The following TFRC variants were observed in gnomAD, a reference collection of about 807,000 sequenced individuals.
TFRC encodes the protein transferrin receptor protein 1.
A neutral mutation model predicts 85.8 loss-of-function variants in TFRC; 35 were observed. The observed-to-expected ratio is 0.41, with a 90% CI of 0.31 to 0.54. The LOEUF (loss-of-function observed/expected upper bound fraction) is 0.54. TFRC is among the 20% of genes least tolerant of loss of function. The pLI is 0.31. For missense variants in TFRC, 828 were observed against 921.5 expected, an observed-to-expected ratio of 0.90 and a Z score of 1.31; for synonymous variants, 362 against 328.6, an observed-to-expected ratio of 1.10 and a Z score of -1.10.
intron 13 of TFRC, among the ~76,000 whole-genome samples, chr3:196,061,204 CAA>C (rs1717252860): frequency 6.6e-6 from 1 of 152,172 alleles, no homozygotes; most frequent in Non-Finnish European, 1.5e-5. Flanking sequence ...AGTGAACATT[CAA>C]ACTCTTCTAG....
At chr3:196,065,395 A>T (rs1717632676) in intron 10 of TFRC, 48 bp downstream of exon 10, 1 of 1,113,358 alleles carries the variant, frequency 9.0e-7, no homozygotes, top group Non-Finnish European at 1.2e-6. Flanking sequence ...GGAACAGAAA[A>T]GAAAACAAAA....
chr3:196,069,394 C>T lies in TFRC; in HGVS notation c.801+61G>A, dbSNP rs923312608. 20 of 944,448 alleles carry T rather than the reference C, an allele frequency of 2.1e-5. No homozygotes were observed. In the African/African-American group the frequency reaches 2.9e-4, roughly 14 times the overall value. The allele number at this position is 944,448 out of a possible 1,614,324, so 58.5% of individuals were successfully genotyped here. On this transcript the variant is annotated intron_variant, in intron 7 of 18. Coordinates refer to ENST00000360110, the MANE Select transcript of TFRC (RefSeq NM_001128148.3). ...GTAAGAATATTAACAAGAAATATCA[C>T]TTACCTGAAGAGTAAGATACCAAAA...
At chr3:196,056,205 A>T (rs1213047428) in intron 16 of TFRC, among the ~76,000 whole-genome samples, 3 of 152,120 alleles carry the variant, frequency 2.0e-5, no homozygotes, top group East Asian at 3.8e-4. Context: ...AATTTAAAAA[A>T]TTTTTTGTAG....
intron 4 of TFRC, chr3:196,072,970 C>T (rs1376637611): frequency 6.9e-6 from 1 of 144,386 alleles, no homozygotes; most frequent in African/African-American, 2.6e-5. Flanking sequence ...GGAGCCAAGA[C>T]AGGAGGATCA....
At chr3:196,071,586 G>A in intron 5 of TFRC, 88 bp from the exon 6 acceptor site, 2 of 1,331,386 alleles carry the variant, frequency 1.5e-6, no homozygotes, top group Non-Finnish European at 2.1e-6. Context: ...GCATTATTTG[G>A]CTTGAGGAAA....
intron 2 of TFRC, 88 bp from the exon 3 acceptor site, chr3:196,075,448 T>G: frequency 4.8e-6 from 6 of 1,240,550 alleles, no homozygotes; most frequent in Non-Finnish European, 5.9e-6. Flanking sequence ...ATTGGGCCAT[T>G]ACTATAACTT....
At chr3:196,061,487 AGTTTTTTTGTTT>A (rs1717278072) in intron 13 of TFRC, among the ~76,000 whole-genome samples, 1 of 152,070 alleles carries the variant, frequency 6.6e-6, no homozygotes, top group African/African-American at 2.4e-5. Flanking sequence ...AAAAAAGCCC[AGTTTTTTTGTTT>A]GTTTTTTTGA....
chr3:196,049,500 T>TC lies in TFRC; in HGVS notation c.*2441dup, dbSNP rs764499080. 8.6e-5 allele frequency: 19 copies of TC among 219,658 alleles called. No individual in the cohort carries two copies. Among genetic ancestry groups the TC allele is most frequent in the Non-Finnish European group, 1.7e-4 (19 of 109,544 alleles). 13.6% of individuals were successfully genotyped at this position (219,658 alleles called of 1,614,324 possible). ...TTATCCTTTACCTCCAAAAGGCCCA[T>TC]CTCCTTAACGAGAAGACATCTCAAG... On this transcript the variant is annotated 3_prime_UTR_variant, in exon 19 of 19. Coordinates refer to ENST00000360110, the MANE Select transcript of TFRC (RefSeq NM_001128148.3).
intron 13 of TFRC, 169 bp from the exon 14 acceptor site, chr3:196,060,416 C>T (rs1287048849): frequency 1.6e-6 from 1 of 617,142 alleles, no homozygotes; most frequent in African/African-American, 1.9e-5. Flanking sequence ...GTATCAAGCT[C>T]TTTAGCAACT....
chr3:196,078,289 TAAAC>T (rs1444820138), intron 1 of TFRC, among the ~76,000 whole-genome samples: 3 of 152,142 alleles, frequency 2.0e-5, no homozygotes, highest in Non-Finnish European at 4.4e-5. Context: ...TAGGGCATAT[TAAAC>T]ACACACGGCA....
chr3:196,055,375 C>G, intron 16 of TFRC, 74 bp from the exon 17 acceptor site: 1 of 1,316,942 alleles, frequency 7.6e-7, no homozygotes, highest in South Asian at 1.2e-5. Flanking sequence ...GCTTCGCCAT[C>G]GAGGTAACAG....
chr3:196,060,334 T>TA, intron 13 of TFRC, 87 bp from the exon 14 acceptor site: 1 of 1,138,110 alleles, frequency 8.8e-7, no homozygotes, highest in Non-Finnish European at 1.3e-6. Flanking sequence ...ACTTGACAAA[T>TA]AAGACAGTAA....
intron 18 of TFRC, 91 bp from the exon 19 acceptor site, chr3:196,052,275 T>A: frequency 8.2e-7 from 1 of 1,221,654 alleles, no homozygotes; most frequent in Non-Finnish European, 1.1e-6. Context: ...GTCCCAAATT[T>A]AAGAATGCCG....
intron 18 of TFRC, among the ~76,000 whole-genome samples, chr3:196,052,739 C>A (rs938469203): frequency 6.6e-6 from 1 of 152,064 alleles, no homozygotes; most frequent in Non-Finnish European, 1.5e-5. Context: ...CTGTACCCAG[C>A]CAGCTGATCA....
At chr3:196,061,473 CA>C (rs1409599389) in intron 13 of TFRC, among the ~76,000 whole-genome samples, 1 of 149,200 alleles carries the variant, frequency 6.7e-6, no homozygotes, top group Non-Finnish European at 1.5e-5. Flanking sequence ...CAAGGGTTGC[CA>C]AAAAAAAAGC....
chr3:196,065,690 T>C (rs927171904), intron 9 of TFRC, 90 bp from the exon 10 acceptor site: 2 of 1,405,456 alleles, frequency 1.4e-6, no homozygotes, highest in South Asian at 1.5e-5. Context: ...TAAGAGGACA[T>C]ATAAACAAAA....
At chr3:196,053,206 C>T (rs1303530121) in intron 18 of TFRC, among the ~76,000 whole-genome samples, 1 of 152,128 alleles carries the variant, frequency 6.6e-6, no homozygotes, top group Non-Finnish European at 1.5e-5. Context: ...TTGGAGCATA[C>T]ATGGAAGTTT....
At chr3:196,057,575 T>C (rs893048104) in intron 16 of TFRC, among the ~76,000 whole-genome samples, 6 of 152,196 alleles carry the variant, frequency 3.9e-5, no homozygotes, top group South Asian at 2.1e-4. Flanking sequence ...CCAGCACATG[T>C]GTATAACTTC....
intron 6 of TFRC, among the ~76,000 whole-genome samples, chr3:196,069,899 T>C (rs575506702): frequency 2.0e-5 from 3 of 152,296 alleles, no homozygotes; most frequent in Admixed American, 6.5e-5. Flanking sequence ...GAGGACATCA[T>C]AGAAATAGGT....
Sources: gnomAD v4.1 joint callset for allele counts (sites outside exome capture counted in the v4.1 genomes callset) on GRCh38, gnomAD v4.1.1 for gene constraint, MANE v1.5 for transcripts, NCBI Gene and HGNC (gene_info 2026-07-23, HGNC 2026-07-21) for gene names.